The following FBXO4 variants were observed in gnomAD, a reference collection of about 807,000 sequenced individuals.
The protein encoded by FBXO4 is F-box only protein 4.
In FBXO4, 36 loss-of-function variants were observed where a neutral mutation model predicts 43.7. The observed-to-expected ratio is 0.82, with a 90% confidence interval of 0.63 to 1.09. The LOEUF (loss-of-function observed/expected upper bound fraction) is 1.09. FBXO4 is among the 50% of genes least tolerant of loss of function. The pLI is 0.00. For missense variants in FBXO4, 435 were observed against 474.1 expected, an observed-to-expected ratio of 0.92 and a Z score of 0.77; for synonymous variants, 180 against 165.6, an observed-to-expected ratio of 1.09 and a Z score of -0.67.
downstream of FBXO4, among the ~76,000 whole-genome samples, chr5:41,943,370 A>G (rs1024729162): frequency 3.9e-5 from 6 of 152,126 alleles, no homozygotes; most frequent in Admixed American, 3.3e-4. Context: ...CACTCTGCCA[A>G]TTTTTATTGA....
chr5:42,017,788 T>TG, the FBXO4 span, among the ~76,000 whole-genome samples: 2 of 152,208 alleles, frequency 1.3e-5, no homozygotes, highest in Admixed American at 1.3e-4. Context: ...CTTTTTTTTT[T>TG]TATTGCTGCA....
chr5:41,950,390 A>G, the FBXO4 span, among the ~76,000 whole-genome samples: 4 of 152,218 alleles, frequency 2.6e-5, no homozygotes, highest in African/African-American at 9.6e-5. Flanking sequence ...CAACCCCATC[A>G]AAAAGTGGGC....
chr5:41,999,542 T>TAC, the FBXO4 span, among the ~76,000 whole-genome samples: 122 of 111,000 alleles, frequency 1.1e-3, no homozygotes, highest in South Asian at 1.7e-3. Flanking sequence ...TATACATATA[T>TAC]ATGTATATAT....
chr5:41,929,039 T>C (rs567054964), intron 2 of FBXO4, among the ~76,000 whole-genome samples: 2 of 152,368 alleles, frequency 1.3e-5, no homozygotes, highest in Non-Finnish European at 2.9e-5. Flanking sequence ...TATTTGAGGC[T>C]ATTAATAGAA....
chr5:42,012,471 G>T, the FBXO4 span, among the ~76,000 whole-genome samples: 1 of 152,138 alleles, frequency 6.6e-6, no homozygotes, highest in South Asian at 2.1e-4. Flanking sequence ...CTGGAGAGTG[G>T]GGTCTTTTAC....
At chr5:41,936,577 G>C (rs902556713) in intron 5 of FBXO4, among the ~76,000 whole-genome samples, 1 of 152,036 alleles carries the variant, frequency 6.6e-6, no homozygotes, top group Non-Finnish European at 1.5e-5. Context: ...TAGTGGAAAA[G>C]GTGGACAATA....
chr5:42,007,639 T>A, the FBXO4 span, among the ~76,000 whole-genome samples: 1 of 152,288 alleles, frequency 6.6e-6, no homozygotes, highest in African/African-American at 2.4e-5. Flanking sequence ...ATAGTTCTAA[T>A]GCAACATTCA....
the FBXO4 span, among the ~76,000 whole-genome samples, chr5:42,035,774 G>A: frequency 6.6e-6 from 1 of 152,098 alleles, no homozygotes; most frequent in Non-Finnish European, 1.5e-5. Flanking sequence ...GGTATGCAGT[G>A]AAAGTCCTTT....
At chr5:42,008,516 G>T in the FBXO4 span, among the ~76,000 whole-genome samples, 2 of 152,116 alleles carry the variant, frequency 1.3e-5, no homozygotes, top group Non-Finnish European at 2.9e-5. Flanking sequence ...GGTCCTAACT[G>T]TGACCCCTGC....
downstream of FBXO4, among the ~76,000 whole-genome samples, chr5:41,946,476 T>C (rs1288742906): frequency 1.3e-5 from 2 of 152,184 alleles, no homozygotes; most frequent in Admixed American, 1.3e-4. Flanking sequence ...AATATGTCAA[T>C]AGAAAAAGTA....
chr5:41,990,512 A>G, the FBXO4 span, among the ~76,000 whole-genome samples: 1 of 152,216 alleles, frequency 6.6e-6, no homozygotes, highest in Non-Finnish European at 1.5e-5. Context: ...GACTTCTCTG[A>G]GAAAATAATG....
the FBXO4 span, among the ~76,000 whole-genome samples, chr5:42,031,434 G>A: frequency 7.1e-6 from 1 of 140,582 alleles, no homozygotes; most frequent in East Asian, 2.3e-4. Flanking sequence ...ACAGGAAGGG[G>A]AACATCACAC....
chr5:41,967,197 C>A, the FBXO4 span: 1 of 483,702 alleles, frequency 2.1e-6, no homozygotes. Context: ...CAAGCCTCAG[C>A]ACTTTTTTTT....
the FBXO4 span, among the ~76,000 whole-genome samples, chr5:42,013,275 A>G: frequency 6.6e-6 from 1 of 152,166 alleles, no homozygotes; most frequent in East Asian, 1.9e-4. Flanking sequence ...GTGAGGCCCC[A>G]TCTCAAAAAG....
the FBXO4 span, among the ~76,000 whole-genome samples, chr5:42,031,480 G>A: frequency 1.6e-5 from 2 of 121,634 alleles, no homozygotes; most frequent in African/African-American, 3.0e-5. Context: ...GAGGGGGGAG[G>A]GATAGCATTA....
the FBXO4 span, among the ~76,000 whole-genome samples, chr5:41,995,905 C>G: frequency 4.6e-5 from 7 of 152,232 alleles, no homozygotes; most frequent in African/African-American, 1.7e-4. Flanking sequence ...GCTTGAAGCT[C>G]GGCCCACTGG....
intron 3 of FBXO4, among the ~76,000 whole-genome samples, 162 bp from the exon 4 acceptor site, chr5:41,933,784 A>G (rs765095966): frequency 6.6e-6 from 1 of 152,134 alleles, no homozygotes; most frequent in Non-Finnish European, 1.5e-5. Flanking sequence ...AAAGTTACAT[A>G]CGGTATCTTT....
chr5:41,999,549 A>ATATATATGTGTG, the FBXO4 span, among the ~76,000 whole-genome samples: 2 of 130,988 alleles, frequency 1.5e-5, no homozygotes, highest in African/African-American at 6.3e-5. Context: ...ATATATGTAT[A>ATATATATGTGTG]TATATATATA....
intron 5 of FBXO4, among the ~76,000 whole-genome samples, chr5:41,936,192 G>C (rs1300975528): frequency 2.0e-5 from 3 of 152,208 alleles, no homozygotes; most frequent in Admixed American, 1.3e-4. Context: ...AGATAAGGCA[G>C]TCAGTTGAAC....
Sources: allele counts gnomAD v4.1 joint callset (sites outside exome capture counted in the v4.1 genomes callset), GRCh38; gene constraint gnomAD v4.1.1; transcripts MANE v1.5; gene names NCBI Gene and HGNC (gene_info 2026-07-23, HGNC 2026-07-21).